The following BMPR1B variants were observed in gnomAD, a reference collection of about 807,000 sequenced individuals.
BMPR1B encodes bone morphogenetic protein receptor type-1B.
In BMPR1B, 12 loss-of-function variants were observed where a neutral mutation model predicts 59.1. That is an observed-to-expected ratio of 0.20 (90% CI 0.13 to 0.33). The LOEUF (loss-of-function observed/expected upper bound fraction) is 0.33. BMPR1B is among the 10% of genes least tolerant of loss of function. The pLI is 1.00. For missense variants in BMPR1B, 550 were observed against 610.9 expected, an observed-to-expected ratio of 0.90 and a Z score of 1.05; for synonymous variants, 237 against 207.3, an observed-to-expected ratio of 1.14 and a Z score of -1.23.
At chr4:94,898,813 T>A (rs917141885) in intron 2 of BMPR1B, among the ~76,000 whole-genome samples, 2 of 152,044 alleles carry the variant, frequency 1.3e-5, no homozygotes, top group African/African-American at 2.4e-5. Context: ...TGGTTGTGGG[T>A]CCCTCTCTCT....
chr4:95,066,768 G>A (rs1177631964), intron 3 of BMPR1B, among the ~76,000 whole-genome samples: 1 of 152,158 alleles, frequency 6.6e-6, no homozygotes, highest in Non-Finnish European at 1.5e-5. Context: ...AAACCTTAGG[G>A]GGTTTTTGAG....
intron 2 of BMPR1B, among the ~76,000 whole-genome samples, chr4:94,901,150 A>G (rs1727794598): frequency 6.6e-6 from 1 of 151,978 alleles, no homozygotes; most frequent in Non-Finnish European, 1.5e-5. Flanking sequence ...TACATTGGTC[A>G]TTGAAGAGAT....
At chr4:94,875,588 G>A (rs1726693136) in intron 1 of BMPR1B, among the ~76,000 whole-genome samples, 1 of 152,128 alleles carries the variant, frequency 6.6e-6, no homozygotes, top group South Asian at 2.1e-4. Context: ...GGAGGCTGAG[G>A]CAGGAGAATG....
At chr4:94,977,479 C>CTTTTTTT (rs5741894) in intron 2 of BMPR1B, among the ~76,000 whole-genome samples, 1 of 138,836 alleles carries the variant, frequency 7.2e-6, no homozygotes, top group Non-Finnish European at 1.6e-5. Flanking sequence ...AGCAAGATGC[C>CTTTTTTT]TTTTTTTTTT....
intron 1 of BMPR1B, among the ~76,000 whole-genome samples, chr4:94,806,875 A>C (rs1303151611): frequency 1.3e-5 from 2 of 152,010 alleles, no homozygotes; most frequent in Non-Finnish European, 2.9e-5. Flanking sequence ...AAATCTGGGG[A>C]CTGAATTACT....
At chr4:95,114,905 T>A in intron 5 of BMPR1B, 83 bp downstream of exon 5, 1 of 1,332,004 alleles carries the variant, frequency 7.5e-7, no homozygotes. Context: ...ATTCTTTTTC[T>A]TGGCCAGCCC....
At chr4:94,960,350 A>G (rs1458386618) in intron 2 of BMPR1B, among the ~76,000 whole-genome samples, 1 of 152,098 alleles carries the variant, frequency 6.6e-6, no homozygotes, top group Non-Finnish European at 1.5e-5. Context: ...ATCTTCAGAC[A>G]TTCTTGTTTT....
intron 1 of BMPR1B, among the ~76,000 whole-genome samples, chr4:94,841,640 C>T (rs556096275): frequency 1.3e-5 from 2 of 152,092 alleles, no homozygotes; most frequent in African/African-American, 4.8e-5. Context: ...GTGCGCGCAC[C>T]CACTGATCTG....
intron 1 of BMPR1B, among the ~76,000 whole-genome samples, chr4:94,778,091 T>C (rs552562670): frequency 6.6e-6 from 1 of 152,096 alleles, no homozygotes; most frequent in Non-Finnish European, 1.5e-5. Context: ...TCTTAAAGGA[T>C]ATATAATAAT....
chr4:95,070,698 T>G (rs941574091), intron 3 of BMPR1B, among the ~76,000 whole-genome samples: 1 of 152,162 alleles, frequency 6.6e-6, no homozygotes, highest in African/African-American at 2.4e-5. Flanking sequence ...CATATGTAAC[T>G]CACTGTGTTC....
chr4:94,793,354 T>A (rs891572643), intron 1 of BMPR1B, among the ~76,000 whole-genome samples: 5 of 151,788 alleles, frequency 3.3e-5, no homozygotes, highest in African/African-American at 1.2e-4. Context: ...AACTCATCAT[T>A]TTTTATGGCT....
At chr4:95,106,643 C>T (rs1305447040) in intron 4 of BMPR1B, among the ~76,000 whole-genome samples, 1 of 151,914 alleles carries the variant, frequency 6.6e-6, no homozygotes, top group African/African-American at 2.4e-5. Context: ...GGACATGATA[C>T]ATTTGAGGAT....
intron 1 of BMPR1B, among the ~76,000 whole-genome samples, chr4:94,837,676 T>G (rs1358154238): frequency 3.7e-5 from 5 of 133,470 alleles, no homozygotes; most frequent in Admixed American, 1.4e-4. Flanking sequence ...AGTGGGGTTT[T>G]CTAGATATAC....
chr4:95,072,997 A>T (rs539871966), intron 3 of BMPR1B, among the ~76,000 whole-genome samples: 6 of 152,266 alleles, frequency 3.9e-5, no homozygotes, highest in East Asian at 1.9e-4. Flanking sequence ...TGGTTGCATG[A>T]TAGTGACAAG....
intron 1 of BMPR1B, among the ~76,000 whole-genome samples, chr4:94,789,767 A>G (rs1321897365): frequency 2.0e-5 from 3 of 152,000 alleles, no homozygotes; most frequent in Non-Finnish European, 4.4e-5. Flanking sequence ...CACCTAATAT[A>G]TATATCTTAG....
At chr4:95,037,617 T>C (rs1272817280) in intron 3 of BMPR1B, among the ~76,000 whole-genome samples, 4 of 152,158 alleles carry the variant, frequency 2.6e-5, no homozygotes, top group Non-Finnish European at 2.9e-5. Flanking sequence ...CCCAGAGTTA[T>C]GTAAGGATGA....
At chr4:94,901,556 T>C (rs576614598) in intron 2 of BMPR1B, among the ~76,000 whole-genome samples, 3 of 152,120 alleles carry the variant, frequency 2.0e-5, no homozygotes, top group East Asian at 3.9e-4. Flanking sequence ...CTGAGAGATA[T>C]TCTTGACCAT....
At chr4:95,079,902 A>C (rs1315832221) in intron 3 of BMPR1B, among the ~76,000 whole-genome samples, 1 of 152,146 alleles carries the variant, frequency 6.6e-6, no homozygotes, top group Non-Finnish European at 1.5e-5. Flanking sequence ...CTTTTCTGAG[A>C]ATGTGAACTT....
intron 3 of BMPR1B, among the ~76,000 whole-genome samples, chr4:95,085,371 A>G (rs1397457899): frequency 6.6e-6 from 1 of 152,150 alleles, no homozygotes; most frequent in Non-Finnish European, 1.5e-5. Flanking sequence ...GCAAACAGGA[A>G]CATTTCACAC....
Sources: gnomAD v4.1 joint callset for allele counts (sites outside exome capture counted in the v4.1 genomes callset) on GRCh38, gnomAD v4.1.1 for gene constraint, MANE v1.5 for transcripts, NCBI Gene and HGNC (gene_info 2026-07-23, HGNC 2026-07-21) for gene names.